PCDHGB2: variants seen among roughly 807,000 people sequenced by gnomAD.
PCDHGB2 encodes protocadherin gamma subfamily B, 2, also known as protocadherin gamma-B2.
Under a neutral mutation model 59.3 loss-of-function variants are expected in PCDHGB2, and 55 were observed. That is an observed-to-expected ratio of 0.93 (90% CI 0.75 to 1.16). The LOEUF is 1.16. Ranked by LOEUF, PCDHGB2 falls within the 50% of genes most tolerant of loss-of-function variation. The pLI, the probability that PCDHGB2 is intolerant of heterozygous loss-of-function variation, is 0.00. For missense variants in PCDHGB2, 1,228 were observed against 1,198.5 expected (o/e 1.02, Z -0.36); for synonymous variants, 516 against 512.0 (o/e 1.01, Z -0.11).
In PCDHGB2 at chr5:141,360,076, T is replaced by G. The variant is rs890042967; in HGVS notation, c.-60T>G. 6.8e-7 allele frequency: 1 copy of G among 1,480,000 alleles called. No individual in the cohort carries two copies. The highest frequency in any genetic ancestry group is 1.4e-5 in the African/African-American group (1 of 70,494). 91.7% of individuals were successfully genotyped at this position (1,480,000 alleles called of 1,614,324 possible). On this transcript the variant is annotated 5_prime_UTR_variant, in exon 1 of 4. Coordinates refer to ENST00000522605, the MANE Select transcript of PCDHGB2 (RefSeq NM_018923.3). ...GCAGGAAAAGTGACCTTAGCCCGGA[T>G]TCTGCCATCCCCGGAAGGCTTATTC... is the stretch of plus-strand genomic sequence containing the variant.
At chr5:141,462,547 T>G (rs534942187) in intron 1 of PCDHGB2, among the ~76,000 whole-genome samples, 1 of 152,330 alleles carries the variant, frequency 6.6e-6, no homozygotes, top group African/African-American at 2.4e-5. Flanking sequence ...TCTTTTCTTC[T>G]TCAGTGTTTA....
intron 1 of PCDHGB2, chr5:141,383,141 G>A (rs781049830): frequency 1.2e-6 from 2 of 1,614,134 alleles, no homozygotes; most frequent in Admixed American, 1.7e-5. Flanking sequence ...AACCAGCGCA[G>A]CGGCAGCTTG....
chr5:141,401,345 A>G (rs1233985725), intron 1 of PCDHGB2, among the ~76,000 whole-genome samples: 4 of 152,216 alleles, frequency 2.6e-5, no homozygotes, highest in Non-Finnish European at 4.4e-5. Context: ...TCCATCTCAA[A>G]AAAAAGGAAG....
At position 141,393,913 on chromosome 5, in the gene PCDHGB2, C is replaced by T. The variant is rs1170452204; in HGVS notation, c.2421+31357C>T. ...AATTCTCTTCCCGGGACAGTAATTG[C>T]CTTCTTGAGTGTGCATGACCAAGAC... On this transcript the variant is annotated intron_variant, in intron 1 of 3. Coordinates refer to ENST00000522605, the MANE Select transcript of PCDHGB2 (RefSeq NM_018923.3). 3.1e-6 allele frequency: 5 copies of T among 1,613,780 alleles called. No homozygotes were observed. The South Asian group carries it at 3.3e-5, about 11-fold the overall frequency.
At chr5:141,392,766 C>T (rs1196100164) in intron 1 of PCDHGB2, 1 of 1,488,966 alleles carries the variant, frequency 6.7e-7, no homozygotes. Flanking sequence ...AAATAAGACC[C>T]ATTTATGCAC....
Position 141,477,393 on chromosome 5 carries a change from G to A in PCDHGB2, c.2422-17414G>A, listed in dbSNP as rs1397453429. On this transcript the variant is annotated intron_variant, in intron 1 of 3. Transcript: ENST00000522605. This position sits in a 1 kb window ranked among gnomAD's most constrained non-coding sequence, Gnocchi z 4.9. The stretch of plus-strand genomic sequence containing the variant: ...GAGACTGTGCCAGAATACAACCTCA[G>A]CATCACCGCCCGAGACGCCGGAACC... The A allele has an allele frequency of 5.6e-6, 9 of 1,614,098 alleles. No individual in the cohort carries two copies. Among genetic ancestry groups the A allele is most frequent in the Non-Finnish European group, 7.6e-6 (9 of 1,180,028 alleles).
chr5:141,390,408 T>C, intron 1 of PCDHGB2: 1 of 1,254,846 alleles, frequency 8.0e-7, no homozygotes, highest in Non-Finnish European at 1.1e-6. Context: ...AGGAAAGTTG[T>C]AGTCAGTTAA....
intron 1 of PCDHGB2, chr5:141,412,235 A>T (rs2095544372): frequency 6.6e-6 from 1 of 152,260 alleles, no homozygotes. Flanking sequence ...AAAAACCTAT[A>T]TCACTACATC....
rs752412467 is a variant in PCDHGB2 at position 141,405,390 on chromosome 5, TTTTC to T, written c.2421+42846_2421+42849del. On this transcript the variant is annotated intron_variant, in intron 1 of 3. Transcript: ENST00000522605. ...CCTTTGGTTCCGGTGAGTTCATTTTTTTTCTTTCTTTCTTTTCTTTTTTTGTTTT... is the reference window on the plus strand; with the variant it reads ...CCTTTGGTTCCGGTGAGTTCATTTTTTTTCTTTCTTTTCTTTTTTTGTTTT... 1.6e-5 allele frequency: 26 copies of T among 1,600,118 alleles called. No homozygotes were observed. The East Asian group carries it at 1.8e-4, about 11-fold the overall frequency.
At chr5:141,451,762 T>C (rs2154563695) in intron 1 of PCDHGB2, among the ~76,000 whole-genome samples, 1 of 152,100 alleles carries the variant, frequency 6.6e-6, no homozygotes, top group African/African-American at 2.4e-5. Flanking sequence ...ATGCCTATAG[T>C]CCCAGCTACT....
chr5:141,389,356 C>A (rs188323445), intron 1 of PCDHGB2: 4 of 1,613,916 alleles, frequency 2.5e-6, no homozygotes, highest in Non-Finnish European at 3.4e-6. Flanking sequence ...TGCATCATGG[C>A]CAGTGACCTG....
intron 3 of PCDHGB2, among the ~76,000 whole-genome samples, chr5:141,507,802 T>G (rs886950696): frequency 6.6e-6 from 1 of 152,204 alleles, no homozygotes; most frequent in African/African-American, 2.4e-5. Context: ...GCCTGCGCCC[T>G]GGGGAACGGA....
intron 1 of PCDHGB2, chr5:141,478,160 G>GC (rs764598056): frequency 3.7e-6 from 6 of 1,613,948 alleles, no homozygotes. Flanking sequence ...CTCTGGCTCT[G>GC]CCCCCCGGGA....
chr5:141,486,734 C>G lies in PCDHGB2; in HGVS notation c.2422-8073C>G, dbSNP rs2099634292. On this transcript the variant is annotated intron_variant, in intron 1 of 3. Transcript: ENST00000522605. This position sits in a 1 kb window ranked among gnomAD's most constrained non-coding sequence, Gnocchi z 5.0. ...CCAGACAGGAGCTGTTCATGCTACT[C>G]GATCCTTTGACTATGAGCAAACCCA... 6.2e-7 allele frequency: 1 copy of G among 1,614,070 alleles called. No individual in the cohort carries two copies. The highest frequency in any genetic ancestry group is 1.7e-5 in the Admixed American group (1 of 60,000).
At chr5:141,365,431 G>T (rs1297210412) in intron 1 of PCDHGB2, 7 of 1,613,892 alleles carry the variant, frequency 4.3e-6, no homozygotes, top group African/African-American at 1.3e-5. Flanking sequence ...CTGTAATCGC[G>T]CTGTTTAGCG....
intron 3 of PCDHGB2, among the ~76,000 whole-genome samples, chr5:141,508,957 C>T (rs1242113190): frequency 6.6e-6 from 1 of 151,976 alleles, no homozygotes; most frequent in Non-Finnish European, 1.5e-5. Context: ...GAAATGTCAG[C>T]GGAATGAAAG....
intron 1 of PCDHGB2, chr5:141,383,999 C>A: frequency 1.2e-6 from 2 of 1,613,800 alleles, no homozygotes; most frequent in Non-Finnish European, 1.7e-6. Context: ...ACAGTCATTG[C>A]TCTTTTCTAC....
chr5:141,510,798 A>G, intron 3 of PCDHGB2, 149 bp from the exon 4 acceptor site: 1 of 1,474,326 alleles, frequency 6.8e-7, no homozygotes, highest in South Asian at 1.3e-5. Context: ...GTGAAGAGAG[A>G]CTACCTTGGT....
In PCDHGB2 at chr5:141,418,992, A is replaced by G. The variant is rs554523363; in HGVS notation, c.2421+56436A>G. 28 of 1,613,802 alleles carry G rather than the reference A, an allele frequency of 1.7e-5. No individual in the cohort carries two copies. The African/African-American group carries it at 2.7e-4, about 15-fold the overall frequency. On this transcript the variant is annotated intron_variant, in intron 1 of 3. Coordinates refer to ENST00000522605, the MANE Select transcript of PCDHGB2 (RefSeq NM_018923.3). Reference sequence around the variant, plus strand: ...AAAACACGGGACCAAGACTCAGGGGAAAATGGGGAAGTCAGGTGTAGCTTA... The same window carrying G: ...AAAACACGGGACCAAGACTCAGGGGGAAATGGGGAAGTCAGGTGTAGCTTA...
Sources: gnomAD v4.1 joint callset for allele counts (sites outside exome capture counted in the v4.1 genomes callset) on GRCh38, gnomAD v4.1.1 for gene constraint, Gnocchi (gnomAD v3.1) non-coding constraint, MANE v1.5 for transcripts, NCBI Gene and HGNC (gene_info 2026-07-23, HGNC 2026-07-21) for gene names.